The following PIGT variants were observed in gnomAD, a reference collection of about 807,000 sequenced individuals.
PIGT encodes the protein phosphatidylinositol glycan anchor biosynthesis class T.
PIGT carries 57 observed loss-of-function variants against 66.7 expected under a neutral mutation model. That is an observed-to-expected ratio of 0.86 (90% CI 0.69 to 1.07). The LOEUF (loss-of-function observed/expected upper bound fraction) is 1.07, where lower values mean the gene tolerates loss of function less well. Ranked by LOEUF, PIGT falls within the 50% of genes least tolerant of loss-of-function variation. PIGT has a pLI of 0.00. For synonymous variants in PIGT, 362 were observed against 320.5 expected (o/e 1.13, Z -1.38); for missense variants, 725 against 740.4 (o/e 0.98, Z 0.24).
At chr20:45,418,820 A>G in intron 2 of PIGT, 32 bp from the exon 3 acceptor site, 2 of 1,612,356 alleles carry the variant, frequency 1.2e-6, no homozygotes, top group Non-Finnish European at 1.7e-6. Context: ...AGGTAGCCCC[A>G]GGACAGTGAG....
Position 45,424,401 on chromosome 20 carries a change from G to A in PIGT, c.1400+20G>A, listed in dbSNP as rs1354914942. On this transcript the variant is annotated intron_variant, in intron 10 of 11. Coordinates refer to ENST00000279036, the MANE Select transcript of PIGT (RefSeq NM_015937.6). ...TGTCAGGTGGGCTCCACCCCCACAG[G>A]CCACCTCTCATCCCCCTGACCTACC... 2 of 1,613,868 alleles carry A rather than the reference G, an allele frequency of 1.2e-6. No individual in the cohort carries two copies. The highest frequency in any genetic ancestry group is 4.5e-5 in the East Asian group (2 of 44,868).
intron 3 of PIGT, 112 bp downstream of exon 3, chr20:45,419,091 C>T (rs1248183278): frequency 5.1e-5 from 71 of 1,404,288 alleles, no homozygotes; most frequent in Non-Finnish European, 6.7e-5. Context: ...CCTAAGTCCC[C>T]TGTGTGTGCA....
Position 45,419,374 on chromosome 20 carries a change from G to C in PIGT, c.573G>C (p.Lys191Asn), listed in dbSNP as rs761482087. The change falls in exon 4 of 12, where the codon AAG becomes AAC. Residue 191 changes from lysine to asparagine, a missense_variant. By Grantham distance (94) the Lys-to-Asn change is moderately conservative (BLOSUM62 0). Around this residue, in one of 3 missense-constraint regions of PIGT, gnomAD observed 559 missense variants for 552.7 expected, o/e 1.01. Coordinates refer to ENST00000279036, the MANE Select transcript of PIGT (RefSeq NM_015937.6). Reference protein sequence around the residue: ...VCTENLTPWKKLLPCSSKAGL... With the variant: ...VCTENLTPWKNLLPCSSKAGL... Reference sequence around the variant, plus strand: ...CCGAAAACCTCACCCCCTGGAAGAAGCTCTTGCCCTGTAGTTCCAAGGTGA... The same window carrying C: ...CCGAAAACCTCACCCCCTGGAAGAACCTCTTGCCCTGTAGTTCCAAGGTGA... The C allele has an allele frequency of 1.9e-6, 3 of 1,613,948 alleles. No individual in the cohort carries two copies. In the Admixed American group the frequency reaches 5.0e-5, roughly 27 times the overall value.
chr20:45,425,163 CTTTCTT>C (rs2145474372), intron 11 of PIGT: 1 of 140,952 alleles, frequency 7.1e-6, no homozygotes, highest in African/African-American at 2.7e-5. Context: ...TTCTTTCTTT[CTTTCTT>C]TCTTTCTTTC....
chr20:45,424,399 A>G lies in PIGT; in HGVS notation c.1400+18A>G. On this transcript the variant is annotated intron_variant, in intron 10 of 11. Transcript: ENST00000279036. ...TATGTCAGGTGGGCTCCACCCCCAC[A>G]GGCCACCTCTCATCCCCCTGACCTA... 1 of 1,613,918 alleles carries G rather than the reference A, an allele frequency of 6.2e-7. No homozygotes were observed. The highest frequency in any genetic ancestry group is 8.5e-7 in the Non-Finnish European group (1 of 1,179,800).
chr20:45,421,349 G>GGCA lies in PIGT; in HGVS notation c.1034-31_1034-29dup, dbSNP rs766940036. ...GGGGTGGGGAGTGATTCTTACCTTT[G>GGCA]GCAGCTGTTAACTGTTGATATTTCT... is the stretch of plus-strand genomic sequence containing the variant. On this transcript the variant is annotated intron_variant, in intron 8 of 11. Transcript: ENST00000279036. 1.9e-6 allele frequency: 3 copies of GGCA among 1,579,174 alleles called. No individual in the cohort carries two copies. In the African/African-American group the frequency reaches 4.0e-5, roughly 21 times the overall value.
intron 2 of PIGT, 169 bp from the exon 3 acceptor site, chr20:45,418,683 C>A: frequency 1.4e-6 from 1 of 729,342 alleles, no homozygotes; most frequent in Non-Finnish European, 2.4e-6. Flanking sequence ...GGATGAGACC[C>A]AGCAAGTGGG....
In PIGT at chr20:45,424,343, C is replaced by T. The variant is rs60575775; in HGVS notation, c.1362C>T (p.Thr454=). The T allele has an allele frequency of 5.0e-5, 80 of 1,614,052 alleles. No homozygotes were observed. Among genetic ancestry groups the T allele is most frequent in the Middle Eastern group, 1.6e-4 (1 of 6,084 alleles). ...TTGAGCGGGCGCTGCTGAAGTGGAC[C>T]GAGTACACGCCAGATCCTAACCATG... ...IQFERALLKW[T]EYTPDPNHGF... Residue 454 remains threonine, a synonymous_variant, in exon 10 of 12, where the codon ACC becomes ACT. Coordinates refer to ENST00000279036, the MANE Select transcript of PIGT (RefSeq NM_015937.6).
At chr20:45,420,024 C>T (rs779900655) in intron 5 of PIGT, 112 bp from the exon 6 acceptor site, 207 of 766,072 alleles carry the variant, frequency 2.7e-4, no homozygotes, top group Middle Eastern at 1.1e-3. Flanking sequence ...GGTAGCAAAT[C>T]GATGGATGTG....
In PIGT at chr20:45,418,951, C is replaced by T; in HGVS notation, c.465C>T (p.Ala155=). ...CCACCAACACAGTCACTCCCACTGC[C>T]TCCTTCAAACCCCTGGGTCTGGCCA... The part of the protein sequence containing the change: ...IDSTNTVTPT[A]SFKPLGLAND... The change falls in exon 3 of 12, where the codon GCC becomes GCT. Residue 155 remains alanine (A), a synonymous_variant. Transcript: ENST00000279036. 1 of 1,614,150 alleles carries T rather than the reference C, an allele frequency of 6.2e-7. No individual in the cohort carries two copies. Among genetic ancestry groups the T allele is most frequent in the Non-Finnish European group, 8.5e-7 (1 of 1,179,990 alleles).
In PIGT at chr20:45,425,706, C is replaced by G. The variant is rs750226709; in HGVS notation, c.1617C>G (p.Cys539Trp). ...TCACGTGCACTGTGGTGGCCGTGTG[C>G]TATGGCTCCTTCTACAATCTCCTCA... Reference protein sequence around the residue: ...ICLTCTVVAVCYGSFYNLLTR... With the variant: ...ICLTCTVVAVWYGSFYNLLTR... Residue 539 changes from cysteine to tryptophan, a missense_variant, in exon 12 of 12, where the codon TGC (cysteine) becomes TGG (tryptophan). Cys to Trp is a radical substitution (Grantham distance 215). Around this residue, in one of 3 missense-constraint regions of PIGT, gnomAD observed 162 missense variants for 171.1 expected, o/e 0.95. Transcript: ENST00000279036. 1.9e-6 allele frequency: 3 copies of G among 1,614,150 alleles called. 1 individual carries two copies. In the South Asian group the frequency reaches 3.3e-5, roughly 18 times the overall value.
At chr20:45,418,550 C>G (rs556448941) in intron 2 of PIGT, 1 of 372,016 alleles carries the variant, frequency 2.7e-6, no homozygotes, top group East Asian at 6.9e-5. Flanking sequence ...GCACTGGAGC[C>G]GGATCATGAA....
At chr20:45,423,706 T>C (rs1358920947) in intron 9 of PIGT, 7 of 143,270 alleles carry the variant, frequency 4.9e-5, no homozygotes, top group African/African-American at 1.9e-4. Context: ...CCCATGCCTT[T>C]TTTTTTTTTT....
At position 45,416,573 on chromosome 20, in the gene PIGT, C is replaced by G. The variant is rs1989990200; in HGVS notation, c.244C>G (p.Leu82Val). 1.9e-6 allele frequency: 3 copies of G among 1,614,198 alleles called. No individual in the cohort carries two copies. In the East Asian group the frequency reaches 6.7e-5, roughly 36 times the overall value. The part of the protein sequence containing the change: ...ALGQLISKYS[L>V]RELHLSFTQG... ...GGGGCAGCTGATCTCCAAGTATTCT[C>G]TACGGGAGCTGCACCTGTCATTCAC... Residue 82 changes from leucine to valine, a missense_variant, in exon 2 of 12, where the codon CTA (leucine) becomes GTA (valine). Physicochemically the swap from Leu to Val is conservative, Grantham distance 32. Coordinates refer to ENST00000279036, the MANE Select transcript of PIGT (RefSeq NM_015937.6).
chr20:45,419,073 G>A, intron 3 of PIGT, 94 bp downstream of exon 3: 2 of 1,518,732 alleles, frequency 1.3e-6, no homozygotes, highest in Non-Finnish European at 9.1e-7. Context: ...CCTCAGCCTG[G>A]GCTAGATCCT....
At position 45,420,708 on chromosome 20, in the gene PIGT, G is replaced by C. The variant is rs1183959983; in HGVS notation, c.1033+15G>C. The stretch of plus-strand genomic sequence containing the variant: ...CCCAGAGAATGGTGAGTGGGTGGTT[G>C]GTTGGACTGCTGGGTTGCAACGGCT... On this transcript the variant is annotated intron_variant, in intron 8 of 11. Coordinates refer to ENST00000279036, the MANE Select transcript of PIGT (RefSeq NM_015937.6). The C allele has an allele frequency of 4.3e-6, 7 of 1,613,516 alleles. No individual in the cohort carries two copies. In the Admixed American group the frequency reaches 1.0e-4, roughly 23 times the overall value.
Position 45,416,155 on chromosome 20 carries a change from G to C in PIGT, c.-2G>C, listed in dbSNP as rs767895593. 3 of 1,555,166 alleles carry C rather than the reference G, an allele frequency of 1.9e-6. No homozygotes were observed. The South Asian group carries it at 3.5e-5, about 18-fold the overall frequency. ...GCTGGGTAGGCGGAAGTAGCCGCAG[G>C]CATGGCGGCGGCTATGCCGCTTGCT... On this transcript the variant is annotated 5_prime_UTR_variant, in exon 1 of 12. Coordinates refer to ENST00000279036, the MANE Select transcript of PIGT (RefSeq NM_015937.6).
In PIGT at chr20:45,426,069, T is replaced by A. The variant is rs1990725937; in HGVS notation, c.*243T>A. The A allele has an allele frequency of 8.8e-6, 5 of 565,782 alleles. No homozygotes were observed. In the South Asian group the frequency reaches 1.1e-4, roughly 12 times the overall value. 35.0% of individuals were successfully genotyped at this position (565,782 alleles called of 1,614,324 possible). A position where few individuals can be genotyped will look rare whatever the true frequency, so the allele number is the denominator to read the frequency against. On this transcript the variant is annotated 3_prime_UTR_variant, in exon 12 of 12. Coordinates refer to ENST00000279036, the MANE Select transcript of PIGT (RefSeq NM_015937.6). ...GCCACCTCTATATTGAGGTGCTCAA[T>A]AAGCAAAAGTGGTCGGTGGCTGCTG...
intron 7 of PIGT, 29 bp downstream of exon 7, chr20:45,420,458 A>T (rs749207009): frequency 6.2e-7 from 1 of 1,608,894 alleles, no homozygotes; most frequent in South Asian, 1.1e-5. Flanking sequence ...ACACACACAA[A>T]CACACCGCTG....
Sources: allele counts gnomAD v4.1 joint callset, GRCh38; gene constraint gnomAD v4.1.1; regional missense constraint gnomAD v4.1.1; transcripts MANE v1.5; gene names NCBI Gene and HGNC (gene_info 2026-07-23, HGNC 2026-07-21).